TEX15: variants seen among roughly 807,000 people sequenced by gnomAD.
TEX15 encodes testis-expressed protein 15.
A neutral mutation model predicts 237.3 loss-of-function variants in TEX15; 171 were observed. The observed-to-expected ratio is 0.72, with a 90% CI of 0.64 to 0.82. TEX15 has a LOEUF of 0.82. TEX15 is among the 40% of genes least tolerant of loss of function. TEX15 has a pLI of 0.00. For synonymous variants in TEX15, 1,338 were observed against 1,269.8 expected (o/e 1.05, Z -1.14); for missense variants, 3,750 against 3,646.5 (o/e 1.03, Z -0.73).
intron 4 of TEX15, among the ~76,000 whole-genome samples, chr8:30,872,008 G>A (rs1023325793): frequency 1.3e-5 from 2 of 152,132 alleles, no homozygotes; most frequent in African/African-American, 4.8e-5. Context: ...AAGTAGCTGG[G>A]ATTCCTTGCT....
intron 7 of TEX15, among the ~76,000 whole-genome samples, chr8:30,857,057 T>C (rs550304225): frequency 2.0e-5 from 3 of 152,300 alleles, no homozygotes; most frequent in African/African-American, 7.2e-5. Flanking sequence ...TTAATGAAGT[T>C]ACAATAATTA....
intron 7 of TEX15, among the ~76,000 whole-genome samples, chr8:30,852,269 C>G (rs895261105): frequency 1.3e-5 from 2 of 151,786 alleles, no homozygotes; most frequent in African/African-American, 4.8e-5. Context: ...CCACGCCTGG[C>G]TAATTTTTTG....
At chr8:30,880,715 G>C (rs940133531) in intron 3 of TEX15, among the ~76,000 whole-genome samples, 4 of 146,850 alleles carry the variant, frequency 2.7e-5, no homozygotes, top group Non-Finnish European at 6.0e-5. Context: ...AAGGCTTTAG[G>C]TCAACAGTAG....
chr8:30,851,829 G>A (rs1807793368), intron 7 of TEX15, among the ~76,000 whole-genome samples: 1 of 151,918 alleles, frequency 6.6e-6, no homozygotes, highest in South Asian at 2.1e-4. Flanking sequence ...AGTTACTTGG[G>A]AGGCTGAGGT....
At chr8:30,858,541 G>T (rs911316054) in intron 7 of TEX15, 127 bp downstream of exon 7, 3 of 763,626 alleles carry the variant, frequency 3.9e-6, no homozygotes, top group Non-Finnish European at 5.8e-6. Context: ...CAAGTAATCC[G>T]CCCACTTCCG....
intron 2 of TEX15, chr8:30,890,722 T>G (rs1170869019): frequency 6.6e-6 from 1 of 152,202 alleles, no homozygotes. Flanking sequence ...CCTTTATTAT[T>G]TACTAATTTT....
chr8:30,848,904 G>A lies in TEX15; in HGVS notation c.1263C>T (p.Gly421=). ...NASFPLHNNT[G]SSTVTTSKSI... ...ATTTTGAAGTAGTGACTGTGCTTGA[G>A]CCAGTATTGTTGTGAAGAGGAAAAG... Residue 421 remains glycine (G), a synonymous_variant, in exon 8 of 11, where the codon GGC becomes GGT. Transcript: ENST00000643185. 1.2e-6 allele frequency: 2 copies of A among 1,614,128 alleles called. No homozygotes were observed. The highest frequency in any genetic ancestry group is 1.7e-6 in the Non-Finnish European group (2 of 1,180,024).
rs55942711 is a variant in TEX15, at chr8:30,879,927, CTT to C, written c.137-4827_137-4826del. Reference sequence around the variant, plus strand: ...ACATCTCTCCATTTATTTAGATTTCCTTTTTTTTTTTAAAAAAAAAAATCAGT... The same window carrying C: ...ACATCTCTCCATTTATTTAGATTTCCTTTTTTTTTAAAAAAAAAAATCAGT... On this transcript the variant is annotated intron_variant, in intron 3 of 10. Coordinates refer to ENST00000643185, the MANE Select transcript of TEX15 (RefSeq NM_001350162.2). Among the ~76,000 whole-genome samples the C allele has an allele frequency of 4.4e-3, 600 of 136,834 alleles. 7 individuals are homozygous for C. The highest frequency in any genetic ancestry group is 0.018 in the African/African-American group (559 of 31,082). 89.8% of individuals were successfully genotyped at this position (136,834 alleles called of 152,430 possible). A position where few individuals can be genotyped will look rare whatever the true frequency, so the allele number is the denominator to read the frequency against.
chr8:30,844,188 A>G lies in TEX15; in HGVS notation c.5979T>C (p.His1993=). The G allele has an allele frequency of 6.2e-7, 1 of 1,612,458 alleles. No homozygotes were observed. The highest frequency in any genetic ancestry group is 8.5e-7 in the Non-Finnish European group (1 of 1,179,314). ...GAGATAGATTAGCTATAAGGGCCGT[A>G]TGATTAGCTGAGCAATGTTTTTCTT... ...DFKEKHCSAN[H]TALIANLSQI... Residue 1993 remains histidine (H), a synonymous_variant, in exon 8 of 11, where the codon CAT becomes CAC. Transcript: ENST00000643185.
At chr8:30,881,741 C>T (rs1808531509) in intron 3 of TEX15, among the ~76,000 whole-genome samples, 1 of 151,690 alleles carries the variant, frequency 6.6e-6, no homozygotes, top group African/African-American at 2.4e-5. Context: ...CCTGTCTCAG[C>T]CTCCCGAGTA....
intron 7 of TEX15, among the ~76,000 whole-genome samples, chr8:30,856,485 C>T (rs1000039350): frequency 2.0e-5 from 3 of 151,874 alleles, no homozygotes; most frequent in Non-Finnish European, 2.9e-5. Context: ...GCTTGGGAGG[C>T]GGAGGCTGCG....
chr8:30,853,381 G>A (rs1807832211), intron 7 of TEX15, among the ~76,000 whole-genome samples: 1 of 152,154 alleles, frequency 6.6e-6, no homozygotes, highest in Non-Finnish European at 1.5e-5. Context: ...GCAGAATATA[G>A]TACAATTGGC....
In TEX15 at chr8:30,837,982, G is replaced by A. The variant is rs1483316569; in HGVS notation, c.8302C>T (p.Pro2768Ser). 6.2e-7 allele frequency: 1 copy of A among 1,613,900 alleles called. No homozygotes were observed. The change falls in exon 10 of 11, where the codon CCA becomes TCA. Residue 2768 changes from proline (P) to serine (S), a missense_variant. Pro to Ser is a moderately conservative substitution (Grantham distance 74, BLOSUM62 -1). Transcript: ENST00000643185. ...GATCTTTGCATTTCAACCTTTTTTG[G>A]CGTTAAATGATTTCTTTTCAGACTG... ...CDSLKRNHLT[P>S]KKVEMQRSLP...
In TEX15 at chr8:30,858,685, C is replaced by T. The variant is rs565640383; in HGVS notation, c.833G>A (p.Gly278Glu). The change falls in exon 7 of 11, where the codon GGA (glycine) becomes GAA (glutamate). Residue 278 changes from glycine (G) to glutamate (E), a missense_variant. Transcript: ENST00000643185. ...LMTSLRFLST[G>E]FPKRAERTCS... ...TATCTTACCAGCTCTCTTAGGAAAT[C>T]CTGTTGAGAGGAATCTCAAAGATGT... 3.9e-6 allele frequency: 6 copies of T among 1,533,502 alleles called. No individual in the cohort carries two copies. The highest frequency in any genetic ancestry group is 3.6e-5 in the South Asian group (3 of 83,452). 95.0% of individuals were successfully genotyped at this position (1,533,502 alleles called of 1,614,324 possible).
At chr8:30,864,678 GAT>G (rs1808123279) in intron 5 of TEX15, among the ~76,000 whole-genome samples, 1 of 144,730 alleles carries the variant, frequency 6.9e-6, no homozygotes, top group Admixed American at 6.9e-5. Flanking sequence ...TCCTACAAGA[GAT>G]ACTAAAAGGA....
chr8:30,889,014 G>C lies in TEX15; in HGVS notation c.-9-1703C>G, dbSNP rs746991854. On this transcript the variant is annotated intron_variant, in intron 2 of 10. Transcript: ENST00000643185. ...CATGTTCACCTCGCAGTTTAGTAAG[G>C]GGAAGAATGGAAAATAGTTTAGAAT... Among the ~76,000 whole-genome samples, 5 of 152,236 alleles carry C rather than the reference G, an allele frequency of 3.3e-5. No individual in the cohort carries two copies. The East Asian group carries it at 9.6e-4, about 29-fold the overall frequency.
chr8:30,849,355 G>A, intron 7 of TEX15, 39 bp from the exon 8 acceptor site: 1 of 1,286,144 alleles, frequency 7.8e-7, no homozygotes, highest in South Asian at 1.5e-5. Flanking sequence ...GAAAAAAAGT[G>A]TTTCTATAGA....
rs1807668661 is a variant in TEX15, at chr8:30,848,148, A to G, written c.2019T>C (p.Asn673=). The part of the protein sequence containing the change: ...HQEYKESESH[N]SFGKSCDKIL... ...TTTTATCACAGCTTTTCCCAAAAGA[A>G]TTATGACTCTCACTCTCTTTGTATT... The change falls in exon 8 of 11, where the codon AAT becomes AAC. Residue 673 remains asparagine (N), a synonymous_variant. Transcript: ENST00000643185. 2 of 1,609,898 alleles carry G rather than the reference A, an allele frequency of 1.2e-6. No homozygotes were observed. The highest frequency in any genetic ancestry group is 8.5e-7 in the Non-Finnish European group (1 of 1,178,670).
At chr8:30,884,894 T>C (rs1808612186) in intron 3 of TEX15, among the ~76,000 whole-genome samples, 1 of 152,172 alleles carries the variant, frequency 6.6e-6, no homozygotes, top group African/African-American at 2.4e-5. Flanking sequence ...CTCTTTTTTC[T>C]AGTTTCCTAA....
Sources: gnomAD v4.1 joint callset for allele counts (sites outside exome capture counted in the v4.1 genomes callset) on GRCh38, gnomAD v4.1.1 for gene constraint, MANE v1.5 for transcripts, NCBI Gene and HGNC (gene_info 2026-07-23, HGNC 2026-07-21) for gene names.